PCSK5: variants seen among roughly 807,000 people sequenced by gnomAD.
PCSK5 encodes proprotein convertase subtilisin/kexin type 5, also known as prohormone convertase 5.
In PCSK5, 129 loss-of-function variants were observed where a neutral mutation model predicts 233.2. The ratio of observed to expected loss-of-function variants is 0.55; its 90% confidence interval spans 0.48 to 0.64. The LOEUF is 0.64. PCSK5 is among the 30% of genes least tolerant of loss of function. The pLI is 0.00. For synonymous variants in PCSK5, 825 were observed against 879.2 expected (o/e 0.94, Z 1.09); for missense variants, 2,076 against 2,430.1 (o/e 0.85, Z 3.06).
At chr9:76,053,625 T>C (rs10119487) in intron 5 of PCSK5, among the ~76,000 whole-genome samples, 47,629 of 152,118 alleles carry the variant, frequency 0.31, 9,335 homozygotes, top group African/African-American at 0.56. Context: ...TAAAGCATAA[T>C]GAGTCACCTT....
At chr9:76,199,818 CT>C (rs1285450374) in intron 20 of PCSK5, among the ~76,000 whole-genome samples, 1 of 152,102 alleles carries the variant, frequency 6.6e-6, no homozygotes, top group Non-Finnish European at 1.5e-5. Flanking sequence ...AGATTCACAC[CT>C]GTAGATTCAA....
chr9:76,096,102 C>T lies in PCSK5; in HGVS notation c.1107C>T (p.Ile369=), dbSNP rs191932411. 3.2e-4 allele frequency: 515 copies of T among 1,607,868 alleles called. No individual in the cohort carries two copies. The highest frequency in any genetic ancestry group is 4.1e-4 in the Non-Finnish European group (476 of 1,174,750). ...YSSGESYDKK[I]ITTDLRQRCT... ...GCGGGGAGTCCTACGATAAGAAAAT[C>T]GTACGTGACATGTGCATGCCCATCA... Residue 369 remains isoleucine (I), a splice_region_variant and synonymous_variant, in exon 8 of 38, where the codon ATC becomes ATT. Transcript: ENST00000674117.
chr9:76,179,647 A>G lies in PCSK5; in HGVS notation c.1952A>G (p.Asp651Gly). 6.2e-7 allele frequency: 1 copy of G among 1,613,934 alleles called. No individual in the cohort carries two copies. Among genetic ancestry groups the G allele is most frequent in the Non-Finnish European group, 8.5e-7 (1 of 1,179,826 alleles). The change falls in exon 15 of 38, where the codon GAC becomes GGC. Residue 651 changes from aspartate (D) to glycine (G), a missense_variant. Physicochemically the swap from Asp to Gly is moderately conservative, Grantham distance 94 (BLOSUM62 -1). Around this residue, in one of 6 missense-constraint regions of PCSK5, gnomAD observed 84 missense variants for 108.8 expected, o/e 0.77. Coordinates refer to ENST00000674117, the MANE Select transcript of PCSK5 (RefSeq NM_001372043.1). ...GTTGGCTGTGACGGGCCAGGACCAG[A>G]CCACTGCAATGACTGTTTGCACTAC... ...SEVGCDGPGP[D>G]HCNDCLHYYY...
chr9:76,245,088 G>A (rs1174026255), intron 24 of PCSK5, among the ~76,000 whole-genome samples: 1 of 152,068 alleles, frequency 6.6e-6, no homozygotes, highest in Non-Finnish European at 1.5e-5. Flanking sequence ...TTAATTTAGG[G>A]AATGTAGCAA....
intron 2 of PCSK5, among the ~76,000 whole-genome samples, chr9:75,943,730 A>T (rs1824428152): frequency 6.6e-6 from 1 of 152,234 alleles, no homozygotes; most frequent in Non-Finnish European, 1.5e-5. Context: ...TTAGAGAAGT[A>T]CACAGTGTAA....
intron 5 of PCSK5, among the ~76,000 whole-genome samples, chr9:76,062,752 G>T (rs1008304027): frequency 6.6e-6 from 1 of 152,158 alleles, no homozygotes; most frequent in Non-Finnish European, 1.5e-5. Flanking sequence ...TCAAATAAGG[G>T]TAACTAGGTT....
intron 34 of PCSK5, among the ~76,000 whole-genome samples, chr9:76,337,248 C>T (rs1249950515): frequency 6.6e-6 from 1 of 151,132 alleles, no homozygotes; most frequent in African/African-American, 2.4e-5. Flanking sequence ...GCTCTCAGCT[C>T]ACTCTCCTGG....
chr9:76,217,863 T>C (rs1201523228), intron 20 of PCSK5, among the ~76,000 whole-genome samples: 2 of 152,162 alleles, frequency 1.3e-5, no homozygotes, highest in Non-Finnish European at 2.9e-5. Flanking sequence ...CTCTGACACC[T>C]GGATTTGGAA....
rs549827769 is a variant in PCSK5, at chr9:75,980,447, A to G, written c.298-5685A>G. On this transcript the variant is annotated intron_variant, in intron 2 of 37. Coordinates refer to ENST00000674117, the MANE Select transcript of PCSK5 (RefSeq NM_001372043.1). The stretch of plus-strand genomic sequence containing the variant: ...AATGATTCTTCACATTCATGACCAG[A>G]TGTTTTCTCTGATGGAAGCATCTGA... 2.6e-5 allele frequency among the ~76,000 whole-genome samples: 4 copies of G among 152,278 alleles called. No homozygotes were observed. The East Asian group carries it at 7.7e-4, about 29-fold the overall frequency.
At chr9:75,928,640 A>ATATATAT (rs1564088178) in intron 1 of PCSK5, among the ~76,000 whole-genome samples, 1 of 69,644 alleles carries the variant, frequency 1.4e-5, no homozygotes, top group Non-Finnish European at 3.0e-5. Context: ...TATATATATA[A>ATATATAT]TCCTAGAAGG....
chr9:76,074,115 G>A lies in PCSK5; in HGVS notation c.894+2217G>A, dbSNP rs572771478. ...TTAATAGATTTCCCCACCCAACTGG[G>A]TAACCACTGTTAAGAGTATAAGCTA... is the stretch of plus-strand genomic sequence containing the variant. On this transcript the variant is annotated intron_variant, in intron 7 of 37. Transcript: ENST00000674117. Among the ~76,000 whole-genome samples the A allele has an allele frequency of 5.3e-5, 8 of 152,224 alleles. No individual in the cohort carries two copies. The East Asian group carries it at 1.2e-3, about 22-fold the overall frequency.
At chr9:76,138,836 A>AAGTG (rs1453766956) in intron 10 of PCSK5, among the ~76,000 whole-genome samples, 1 of 152,078 alleles carries the variant, frequency 6.6e-6, no homozygotes, top group South Asian at 2.1e-4. Context: ...AATGACAACT[A>AAGTG]AGTGAGAGAG....
intron 3 of PCSK5, among the ~76,000 whole-genome samples, chr9:76,022,733 A>G (rs1359601285): frequency 1.3e-5 from 2 of 152,224 alleles, no homozygotes; most frequent in Non-Finnish European, 2.9e-5. Context: ...TGAAATTACT[A>G]TATATAATGA....
Position 76,240,538 on chromosome 9 carries a change from C to T in PCSK5, c.3074-78C>T, listed in dbSNP as rs148730835. 191 of 986,232 alleles carry T rather than the reference C, an allele frequency of 1.9e-4. 2 individuals carry two copies. The highest frequency in any genetic ancestry group is 1.1e-3 in the East Asian group (44 of 38,360). The allele number at this position is 986,232 out of a possible 1,614,324, so 61.1% of individuals were successfully genotyped here. A position where few individuals can be genotyped will look rare whatever the true frequency, so the allele number is the denominator to read the frequency against. On this transcript the variant is annotated intron_variant, in intron 23 of 37. Transcript: ENST00000674117. Reference sequence around the variant, plus strand: ...GATTTACTTTAAAATAAGCTACACACGAACATATTTTTGTAGCAATTAACG... The same window carrying T: ...GATTTACTTTAAAATAAGCTACACATGAACATATTTTTGTAGCAATTAACG...
In PCSK5 at chr9:76,069,321, T is replaced by A. The variant is rs79992166; in HGVS notation, c.721+1278T>A. On this transcript the variant is annotated intron_variant, in intron 6 of 37. Transcript: ENST00000674117. The stretch of plus-strand genomic sequence containing the variant: ...ATGGTCCAGGATATAGTTTCTCGCA[T>A]ACACAGACACACAGCCCCAGGTTCT... Among the ~76,000 whole-genome samples the A allele has an allele frequency of 3.7e-3, 564 of 152,208 alleles. 5 individuals are homozygous for A. Among genetic ancestry groups the A allele is most frequent in the South Asian group, 0.024 (115 of 4,814 alleles).
At chr9:75,964,314 CTTATA>C (rs369196085) in intron 2 of PCSK5, among the ~76,000 whole-genome samples, 180 of 152,218 alleles carry the variant, frequency 1.2e-3, no homozygotes, top group African/African-American at 3.2e-3. Flanking sequence ...CTAAAAATAT[CTTATA>C]TTATAATGTT....
intron 5 of PCSK5, among the ~76,000 whole-genome samples, chr9:76,054,995 A>AT (rs1008328756): frequency 6.6e-6 from 1 of 151,878 alleles, no homozygotes; most frequent in African/African-American, 2.4e-5. Context: ...TATACTTTTC[A>AT]TTTTTTTTCT....
intron 5 of PCSK5, among the ~76,000 whole-genome samples, chr9:76,055,990 C>T (rs1028231637): frequency 6.6e-6 from 1 of 152,106 alleles, no homozygotes; most frequent in African/African-American, 2.4e-5. Context: ...ATTTCTGGCT[C>T]TCCTCTCTCC....
chr9:75,895,431 C>T (rs950508027), intron 1 of PCSK5, among the ~76,000 whole-genome samples: 4 of 151,982 alleles, frequency 2.6e-5, no homozygotes, highest in Non-Finnish European at 5.9e-5. Context: ...AATGGAGATG[C>T]GAAATGTGAA....
Sources: gnomAD v4.1 joint callset for allele counts (sites outside exome capture counted in the v4.1 genomes callset) on GRCh38, gnomAD v4.1.1 for gene constraint, gnomAD v4.1.1 regional missense constraint, MANE v1.5 for transcripts, NCBI Gene and HGNC (gene_info 2026-07-23, HGNC 2026-07-21) for gene names.